The following SRP9 variants were observed in gnomAD, a reference collection of about 807,000 sequenced individuals.
SRP9 encodes the protein signal recognition particle 9 kDa protein.
SRP9 carries 2 observed loss-of-function variants against 11.7 expected under a neutral mutation model. The observed-to-expected ratio is 0.17, with a 90% CI of 0.07 to 0.54. The LOEUF is 0.54. SRP9 is among the 20% of genes least tolerant of loss of function. SRP9 has a pLI of 0.94. For missense variants in SRP9, 54 were observed against 108.1 expected (o/e 0.50, Z 2.22); for synonymous variants, 27 against 35.6 (o/e 0.76, Z 0.86).
chr1:225,784,567 T>C (rs1293654326), intron 2 of SRP9, among the ~76,000 whole-genome samples: 1 of 151,740 alleles, frequency 6.6e-6, no homozygotes, highest in East Asian at 2.0e-4. Flanking sequence ...GTTCTTAAAC[T>C]AGCTCTTTCT....
chr1:225,783,387 T>G lies in SRP9; in HGVS notation c.141+19T>G, dbSNP rs1156781970. On this transcript the variant is annotated intron_variant, in intron 2 of 2. Transcript: ENST00000304786. ...TTTAGTTGTAAGTATACATTTTTAT[T>G]TGTTACATACTTTCAGATTTGTTTG... 5 of 1,562,386 alleles carry G rather than the reference T, an allele frequency of 3.2e-6. No homozygotes were observed. The African/African-American group carries it at 6.8e-5, about 21-fold the overall frequency.
At chr1:225,780,886 A>AG (rs1398132546) in intron 1 of SRP9, among the ~76,000 whole-genome samples, 2 of 152,182 alleles carry the variant, frequency 1.3e-5, no homozygotes, top group African/African-American at 4.8e-5. Flanking sequence ...CAGCCTTTTT[A>AG]GTTCCTTAAC....
chr1:225,780,562 C>T (rs1225804536), intron 1 of SRP9, among the ~76,000 whole-genome samples: 2 of 152,060 alleles, frequency 1.3e-5, no homozygotes, highest in African/African-American at 4.8e-5. Context: ...AATATATGAA[C>T]AATTACAGCA....
In SRP9 at chr1:225,783,292, T is replaced by C; in HGVS notation, c.73-8T>C. The C allele has an allele frequency of 6.2e-7, 1 of 1,606,978 alleles. No individual in the cohort carries two copies. Among genetic ancestry groups the C allele is most frequent in the Non-Finnish European group, 8.5e-7 (1 of 1,174,838 alleles). ...TTCACTGTTTCTAAATATGTATTTT[T>C]GTTTCAGGCACGTGTGGTTCTCAAA... On this transcript the variant is annotated splice_region_variant and splice_polypyrimidine_tract_variant and intron_variant, in intron 1 of 2. Coordinates refer to ENST00000304786, the MANE Select transcript of SRP9 (RefSeq NM_003133.6).
At chr1:225,778,097 G>C in intron 1 of SRP9, 85 bp downstream of exon 1, 2 of 1,458,920 alleles carry the variant, frequency 1.4e-6, no homozygotes, top group Non-Finnish European at 1.9e-6. Flanking sequence ...CTTCCCCAGC[G>C]CTCCCAGGAG....
intron 1 of SRP9, among the ~76,000 whole-genome samples, chr1:225,779,140 T>C (rs1665745018): frequency 1.3e-5 from 2 of 151,892 alleles, no homozygotes; most frequent in African/African-American, 4.8e-5. Flanking sequence ...TTTTTTTTTT[T>C]TTTCAATAGT....
intron 1 of SRP9, 84 bp from the exon 2 acceptor site, chr1:225,783,216 C>T: frequency 9.8e-7 from 1 of 1,022,070 alleles, no homozygotes; most frequent in Admixed American, 2.1e-5. Context: ...CTAAAAGGAT[C>T]CTTTTCAGCC....
rs542491478 is a variant in SRP9 at position 225,789,352 on chromosome 1, C to G, written c.254C>G (p.Thr85Ser). Residue 85 changes from threonine to serine, a missense_variant, in exon 3 of 3, where the codon ACT becomes AGT. By Grantham distance (58) the Thr-to-Ser change is moderately conservative. Transcript: ENST00000304786. ...GAAGCCCGCAATGTTACCATGGAAA[C>G]TGAGTGAATGGTTTGAAATGAAGAC... The part of the protein sequence containing the change: ...AKEARNVTME[T>S]E The G allele has an allele frequency of 6.3e-7, 1 of 1,594,038 alleles. No homozygotes were observed. Among genetic ancestry groups the G allele is most frequent in the African/African-American group, 1.4e-5 (1 of 73,852 alleles).
chr1:225,780,075 G>A (rs554097699), intron 1 of SRP9, among the ~76,000 whole-genome samples: 1 of 152,210 alleles, frequency 6.6e-6, no homozygotes, highest in Admixed American at 6.5e-5. Context: ...GAGTGCAGTG[G>A]CACAAATCAC....
intron 1 of SRP9, among the ~76,000 whole-genome samples, chr1:225,781,531 C>G (rs924745933): frequency 2.0e-5 from 3 of 151,496 alleles, no homozygotes; most frequent in African/African-American, 7.3e-5. Context: ...TCCCGAGTAG[C>G]TGGGATTACA....
At chr1:225,785,227 C>T (rs746308476) in intron 2 of SRP9, among the ~76,000 whole-genome samples, 4 of 150,236 alleles carry the variant, frequency 2.7e-5, no homozygotes, top group East Asian at 2.0e-4. Flanking sequence ...TGCACCACCA[C>T]GCCCAACTAA....
intron 2 of SRP9, chr1:225,786,716 T>G: frequency 9.7e-7 from 1 of 1,027,968 alleles, no homozygotes; most frequent in Non-Finnish European, 1.2e-6. Context: ...AGCCTTCTGG[T>G]CTCAATTTCC....
intron 1 of SRP9, among the ~76,000 whole-genome samples, chr1:225,779,292 C>T (rs747350133): frequency 3.9e-5 from 6 of 152,028 alleles, no homozygotes; most frequent in Non-Finnish European, 7.4e-5. Context: ...TTACAGGCGC[C>T]TGCCACCACA....
intron 2 of SRP9, among the ~76,000 whole-genome samples, chr1:225,784,864 G>A (rs958163185): frequency 2.6e-5 from 4 of 151,826 alleles, no homozygotes; most frequent in African/African-American, 4.8e-5. Context: ...AAAAAAACTA[G>A]CTGCTTCTTC....
At chr1:225,783,432 A>G in intron 2 of SRP9, 64 bp downstream of exon 2, 1 of 1,346,928 alleles carries the variant, frequency 7.4e-7, no homozygotes, top group Non-Finnish European at 1.1e-6. Flanking sequence ...TTTGTTTGAA[A>G]TTATTTACTT....
chr1:225,785,831 C>T (rs56866192), intron 2 of SRP9, among the ~76,000 whole-genome samples: 36,997 of 151,936 alleles, frequency 0.24, 4,656 homozygotes, highest in South Asian at 0.35. Flanking sequence ...TACAGGTGGG[C>T]ACCACCACAC....
chr1:225,786,876 T>C, intron 2 of SRP9: 1 of 1,200,444 alleles, frequency 8.3e-7, no homozygotes, highest in Non-Finnish European at 1.1e-6. Flanking sequence ...AGTGTCTTGC[T>C]CTATTGCTCA....
intron 1 of SRP9, among the ~76,000 whole-genome samples, chr1:225,779,482 A>G (rs1336343347): frequency 2.0e-5 from 3 of 152,230 alleles, no homozygotes; most frequent in Non-Finnish European, 4.4e-5. Context: ...ATTGATGATC[A>G]TTAAGTAATA....
rs566406607 is a variant in SRP9 at position 225,777,850 on chromosome 1, C to T, written c.-91C>T. 17 of 1,293,258 alleles carry T rather than the reference C, an allele frequency of 1.3e-5. No homozygotes were observed. The Admixed American group carries it at 2.7e-4, about 20-fold the overall frequency. The allele number at this position is 1,293,258 out of a possible 1,614,324, so 80.1% of individuals were successfully genotyped here. ...CGCCGCCATCTTGGGGCTGCTGGGACTCGCGTCGGTTGGCGACTCCCGGAC... is the reference window on the plus strand; with the variant it reads ...CGCCGCCATCTTGGGGCTGCTGGGATTCGCGTCGGTTGGCGACTCCCGGAC... On this transcript the variant is annotated 5_prime_UTR_variant, in exon 1 of 3. Transcript: ENST00000304786.
Sources: allele counts gnomAD v4.1 joint callset (sites outside exome capture counted in the v4.1 genomes callset), GRCh38; gene constraint gnomAD v4.1.1; transcripts MANE v1.5; gene names NCBI Gene and HGNC (gene_info 2026-07-23, HGNC 2026-07-21).